Variants in GULP1 observed in about 807,000 individuals in gnomAD.
The protein encoded by GULP1 is GULP PTB domain containing engulfment adaptor 1, also known as PTB domain-containing engulfment adapter protein 1.
In GULP1, 19 loss-of-function variants were observed where a neutral mutation model predicts 40.9. The ratio of observed to expected loss-of-function variants is 0.46; its 90% confidence interval spans 0.32 to 0.68. The LOEUF is 0.68. Among genes scored for constraint, GULP1 ranks in the 30% least tolerant of loss-of-function variants. The probability of loss-of-function intolerance (pLI) is 0.03; values close to 1 mark genes in which losing one functional copy is unlikely to be tolerated. For missense variants in GULP1, 312 were observed against 362.2 expected (o/e 0.86, Z 1.12); for synonymous variants, 119 against 117.6 (o/e 1.01, Z -0.08).
intron 2 of GULP1, among the ~76,000 whole-genome samples, chr2:188,448,526 A>G (rs915706180): frequency 6.6e-6 from 1 of 152,182 alleles, no homozygotes; most frequent in Non-Finnish European, 1.5e-5. Context: ...GAAGAGCTGG[A>G]GTCAGATATT....
intron 1 of GULP1, among the ~76,000 whole-genome samples, chr2:188,365,225 G>T (rs1417636959): frequency 1.3e-5 from 2 of 151,280 alleles, no homozygotes; most frequent in African/African-American, 4.9e-5. Context: ...AGTACACATG[G>T]TCCTATACTC....
intron 2 of GULP1, among the ~76,000 whole-genome samples, chr2:188,434,941 G>A (rs7595327): frequency 0.28 from 43,150 of 151,622 alleles, 7,540 homozygotes; most frequent in African/African-American, 0.5. Flanking sequence ...ACAATGTTTT[G>A]TTCATTTTTA....
intron 4 of GULP1, among the ~76,000 whole-genome samples, chr2:188,499,900 G>A (rs896961281): frequency 5.9e-5 from 9 of 151,504 alleles, no homozygotes; most frequent in African/African-American, 1.5e-4. Flanking sequence ...AGCTGTTTTC[G>A]GGAATGATTG....
At chr2:188,335,361 C>A (rs992419723) in intron 1 of GULP1, among the ~76,000 whole-genome samples, 1 of 152,096 alleles carries the variant, frequency 6.6e-6, no homozygotes, top group Admixed American at 6.6e-5. Flanking sequence ...TGCTTAAATT[C>A]TCTACTGGGC....
chr2:188,593,918 A>C, intron 11 of GULP1, 22 bp from the exon 12 acceptor site: 1 of 1,339,284 alleles, frequency 7.5e-7, no homozygotes, highest in South Asian at 1.2e-5. Flanking sequence ...TCAGATATTA[A>C]TTATTTTATT....
chr2:188,567,689 C>T (rs1363633710), intron 7 of GULP1, among the ~76,000 whole-genome samples: 1 of 152,066 alleles, frequency 6.6e-6, no homozygotes, highest in Admixed American at 6.6e-5. Context: ...ATAGGTGCAG[C>T]AAACCACCAT....
At chr2:188,432,190 T>C (rs934392207) in intron 2 of GULP1, among the ~76,000 whole-genome samples, 5 of 151,712 alleles carry the variant, frequency 3.3e-5, no homozygotes, top group Admixed American at 6.6e-5. Context: ...TTTTTTAAAA[T>C]TGGAAATTAT....
chr2:188,385,751 A>T (rs766093154), intron 2 of GULP1, among the ~76,000 whole-genome samples: 84 of 152,112 alleles, frequency 5.5e-4, no homozygotes, highest in Non-Finnish European at 1.1e-3. Context: ...AGTTCCACAA[A>T]TCTCTAGGGC....
chr2:188,352,603 C>T (rs1224541906), intron 1 of GULP1, among the ~76,000 whole-genome samples: 3 of 102,816 alleles, frequency 2.9e-5, no homozygotes, highest in Non-Finnish European at 6.0e-5. Flanking sequence ...TGCTCTCTTT[C>T]TCTCTCTCTC....
At chr2:188,526,617 A>G (rs1009924712) in intron 5 of GULP1, among the ~76,000 whole-genome samples, 1 of 152,092 alleles carries the variant, frequency 6.6e-6, no homozygotes, top group Non-Finnish European at 1.5e-5. Context: ...GAAAGGCAGG[A>G]AGGAGAATAT....
intron 2 of GULP1, among the ~76,000 whole-genome samples, chr2:188,419,335 C>T (rs2055039980): frequency 6.6e-6 from 1 of 151,940 alleles, no homozygotes; most frequent in African/African-American, 2.4e-5. Flanking sequence ...TGTAAGAGTC[C>T]CAATTTCTCC....
At chr2:188,329,647 T>C (rs1433753512) in intron 1 of GULP1, among the ~76,000 whole-genome samples, 1 of 151,904 alleles carries the variant, frequency 6.6e-6, no homozygotes, top group East Asian at 1.9e-4. Flanking sequence ...TTAGCGGAGG[T>C]GATGATAAGC....
chr2:188,552,012 A>T (rs544817850), intron 7 of GULP1, among the ~76,000 whole-genome samples: 11 of 151,242 alleles, frequency 7.3e-5, no homozygotes, highest in Non-Finnish European at 1.2e-4. Flanking sequence ...ATTTTTTTTT[A>T]AATGGGAACA....
At chr2:188,467,572 A>G (rs1018635348) in intron 2 of GULP1, among the ~76,000 whole-genome samples, 15 of 152,072 alleles carry the variant, frequency 9.9e-5, no homozygotes, top group African/African-American at 3.6e-4. Flanking sequence ...GAACTCAGTA[A>G]TACATCCGTA....
chr2:188,384,647 G>A (rs560371305), intron 2 of GULP1, among the ~76,000 whole-genome samples: 55 of 152,270 alleles, frequency 3.6e-4, no homozygotes, highest in African/African-American at 1.3e-3. Context: ...TAGAGACAAG[G>A]CAGGTCCTTT....
At chr2:188,521,904 A>G (rs1366078742) in intron 4 of GULP1, among the ~76,000 whole-genome samples, 1 of 152,064 alleles carries the variant, frequency 6.6e-6, no homozygotes, top group Non-Finnish European at 1.5e-5. Context: ...GTGAAACCCC[A>G]TCTCTACTAA....
In GULP1 at chr2:188,501,189, G is replaced by C. The variant is rs142372784; in HGVS notation, c.90+17697G>C. Among the ~76,000 whole-genome samples, 1,052 of 152,002 alleles carry C rather than the reference G, an allele frequency of 6.9e-3. 10 individuals are homozygous for C. The highest frequency in any genetic ancestry group is 0.013 in the Non-Finnish European group (861 of 67,920). The stretch of plus-strand genomic sequence containing the variant: ...AAATTATAGTCCCCACGTATCAAGG[G>C]AGGGACCCGGTGGGAGGTGATTGGA... On this transcript the variant is annotated intron_variant, in intron 4 of 11. Transcript: ENST00000409830.
intron 6 of GULP1, among the ~76,000 whole-genome samples, chr2:188,535,220 C>T (rs1217750997): frequency 6.6e-6 from 1 of 151,934 alleles, no homozygotes; most frequent in Non-Finnish European, 1.5e-5. Flanking sequence ...TCAAGAGTTA[C>T]ATGTGCAGAT....
intron 5 of GULP1, among the ~76,000 whole-genome samples, chr2:188,526,739 G>A (rs1193391228): frequency 1.3e-5 from 2 of 152,128 alleles, no homozygotes; most frequent in Non-Finnish European, 2.9e-5. Flanking sequence ...ATGCATGAAG[G>A]TAGAACTGGG....
Sources: gnomAD v4.1 joint callset for allele counts (sites outside exome capture counted in the v4.1 genomes callset) on GRCh38, gnomAD v4.1.1 for gene constraint, MANE v1.5 for transcripts, NCBI Gene and HGNC (gene_info 2026-07-23, HGNC 2026-07-21) for gene names.